The following CCSER2 variants were observed in gnomAD, a reference collection of about 807,000 sequenced individuals.
The protein encoded by CCSER2 is coiled-coil serine rich protein 2.
A neutral mutation model predicts 92.3 loss-of-function variants in CCSER2; 46 were observed. The ratio of observed to expected loss-of-function variants is 0.50; its 90% CI spans 0.39 to 0.64. CCSER2 has a LOEUF of 0.64. Ranked by LOEUF, CCSER2 falls within the 30% of genes least tolerant of loss-of-function variation. The pLI, the probability that CCSER2 is intolerant of heterozygous loss-of-function variation, is 0.00. For synonymous variants in CCSER2, 433 were observed against 431.4 expected, an observed-to-expected ratio of 1.00 and a Z score of -0.04; for missense variants, 1,244 against 1,238.9, an observed-to-expected ratio of 1.00 and a Z score of -0.06.
chr10:84,491,067 C>T (rs1046374796), intron 9 of CCSER2, among the ~76,000 whole-genome samples: 6 of 152,340 alleles, frequency 3.9e-5, no homozygotes, highest in East Asian at 1.9e-4. Context: ...TATTGCTGAA[C>T]AGCAAATGTT....
In CCSER2 at chr10:84,514,400, A is replaced by G. The variant is rs1849525350; in HGVS notation, c.*133A>G. The G allele has an allele frequency of 1.5e-6, 1 of 664,140 alleles. No homozygotes were observed. Among genetic ancestry groups the G allele is most frequent in the Admixed American group, 3.1e-5 (1 of 32,518 alleles). The allele number at this position is 664,140 out of a possible 1,614,324, so 41.1% of individuals were successfully genotyped here. ...TGCAAATCTTAAATTAAAATGTGGA[A>G]GCTTCTACTAGTTTGGCTCCTTCAT... On this transcript the variant is annotated 3_prime_UTR_variant, in exon 10 of 10. Transcript: ENST00000372088.
intron 5 of CCSER2, among the ~76,000 whole-genome samples, chr10:84,434,144 C>CT (rs1843960086): frequency 6.6e-6 from 1 of 152,106 alleles, no homozygotes. Flanking sequence ...CCCTTCATCT[C>CT]TTATTTTTTA....
intron 4 of CCSER2, chr10:84,425,007 T>G (rs1297797394): frequency 5.1e-6 from 5 of 984,406 alleles, no homozygotes; most frequent in Middle Eastern, 5.2e-4. Flanking sequence ...GCAAAGTAAC[T>G]CTCTTAGTGA....
chr10:84,502,462 C>T (rs1848813973), intron 9 of CCSER2, among the ~76,000 whole-genome samples: 1 of 150,768 alleles, frequency 6.6e-6, no homozygotes, highest in African/African-American at 2.4e-5. Context: ...AGCTCCGCCT[C>T]CCGGGTTCAC....
chr10:84,473,811 A>G (rs1412491987), intron 8 of CCSER2, among the ~76,000 whole-genome samples: 1 of 152,182 alleles, frequency 6.6e-6, no homozygotes, highest in Non-Finnish European at 1.5e-5. Flanking sequence ...GACAGTTTCC[A>G]TCACCTCTCT....
chr10:84,329,193 C>G (rs780333387), intron 1 of CCSER2, among the ~76,000 whole-genome samples: 12 of 151,784 alleles, frequency 7.9e-5, no homozygotes, highest in Non-Finnish European at 1.6e-4. Context: ...TTTTTTCTTT[C>G]AATTACTGGG....
intron 1 of CCSER2, among the ~76,000 whole-genome samples, chr10:84,367,758 A>C (rs1212809143): frequency 6.8e-6 from 1 of 146,530 alleles, no homozygotes; most frequent in African/African-American, 2.5e-5. Context: ...TGGTTTCCTT[A>C]ACGCTGAAGC....
At chr10:84,432,898 A>G (rs12763373) in intron 5 of CCSER2, among the ~76,000 whole-genome samples, 8,866 of 152,156 alleles carry the variant, frequency 0.058, 369 homozygotes, top group Admixed American at 0.1. Context: ...AATTTTTGTG[A>G]AAGATTTAAA....
intron 1 of CCSER2, among the ~76,000 whole-genome samples, chr10:84,364,664 A>C (rs1194969997): frequency 6.6e-6 from 1 of 151,902 alleles, no homozygotes; most frequent in African/African-American, 2.4e-5. Flanking sequence ...CCCTTATCCA[A>C]TTGTGGATTT....
At chr10:84,445,288 GGACTACAGGC>G (rs1315379232) in intron 6 of CCSER2, among the ~76,000 whole-genome samples, 3 of 152,106 alleles carry the variant, frequency 2.0e-5, no homozygotes, top group Admixed American at 6.5e-5. Context: ...TGAGTAGCTG[GGACTACAGGC>G]GCCCGCCACC....
intron 8 of CCSER2, among the ~76,000 whole-genome samples, chr10:84,472,668 CAA>C (rs1259157102): frequency 6.6e-6 from 1 of 151,940 alleles, no homozygotes; most frequent in Non-Finnish European, 1.5e-5. Context: ...AAATTTAAGA[CAA>C]AGATTTATGT....
rs61739454 is a variant in CCSER2, at chr10:84,513,571, C to T, written c.2448C>T (p.Gly816=). The T allele has an allele frequency of 1.6e-3, 2,626 of 1,613,942 alleles. 25 individuals are homozygous for T. The African/African-American group carries it at 0.031, about 19-fold the overall frequency. ...SECSIQDMHQ[G]GAHPEESFTH... ...GCTCAATCCAAGACATGCATCAGGG[C>T]GGTGCACATCCGGAAGAAAGCTTTA... Residue 816 remains glycine, a synonymous_variant, in exon 10 of 10, where the codon GGC becomes GGT. Coordinates refer to ENST00000372088, the MANE Select transcript of CCSER2 (RefSeq NM_001284240.2).
intron 1 of CCSER2, among the ~76,000 whole-genome samples, chr10:84,358,927 T>C (rs1042178176): frequency 2.0e-5 from 3 of 152,160 alleles, no homozygotes; most frequent in Non-Finnish European, 4.4e-5. Flanking sequence ...CTTGTTCATA[T>C]GTACAGAAGC....
chr10:84,497,113 GA>G (rs1305688025), intron 9 of CCSER2, among the ~76,000 whole-genome samples: 1 of 152,192 alleles, frequency 6.6e-6, no homozygotes, highest in African/African-American at 2.4e-5. Flanking sequence ...GAATTTTTAA[GA>G]TACTCAAATC....
At chr10:84,499,886 T>C (rs759727652) in intron 9 of CCSER2, 5 of 1,614,126 alleles carry the variant, frequency 3.1e-6, no homozygotes, top group Non-Finnish European at 3.4e-6. Flanking sequence ...GTGGGTATTC[T>C]GCTCCCTCCT....
intron 1 of CCSER2, among the ~76,000 whole-genome samples, chr10:84,346,643 T>C (rs1193771297): frequency 1.3e-5 from 2 of 151,806 alleles, no homozygotes; most frequent in Admixed American, 1.3e-4. Context: ...CTGAAAGGAG[T>C]CTATCATCCA....
rs1846078564 is a variant in CCSER2 at position 84,371,873 on chromosome 10, C to T, written c.821C>T (p.Ser274Phe). Residue 274 changes from serine (S) to phenylalanine (F), a missense_variant, in exon 2 of 10, where the codon TCC (serine) becomes TTC (phenylalanine). Transcript: ENST00000372088. ...CGGTCAAGTATGCTAACAAGAAATT[C>T]CCGGCAGCCAGAAGTACTCAATGGG... Reference protein sequence around the residue: ...PLRSSMLTRNSRQPEVLNGNE... With the variant: ...PLRSSMLTRNFRQPEVLNGNE... The T allele has an allele frequency of 6.2e-7, 1 of 1,613,706 alleles. No individual in the cohort carries two copies.
intron 9 of CCSER2, among the ~76,000 whole-genome samples, chr10:84,511,227 AT>A (rs1849332480): frequency 6.6e-6 from 1 of 152,138 alleles, no homozygotes; most frequent in Non-Finnish European, 1.5e-5. Flanking sequence ...ATGAAGCTTT[AT>A]TGCATTTAAT....
At chr10:84,457,312 TATAATATATTATATATAATATATTATATA>T (rs1845751042) in intron 6 of CCSER2, among the ~76,000 whole-genome samples, 6 of 81,230 alleles carry the variant, frequency 7.4e-5, no homozygotes, top group African/African-American at 2.4e-4. Flanking sequence ...ATATGTTATA[TATAATATATTATATATAATATATTATATA>T]TTATATATAA....
Sources: allele counts gnomAD v4.1 joint callset (sites outside exome capture counted in the v4.1 genomes callset), GRCh38; gene constraint gnomAD v4.1.1; transcripts MANE v1.5; gene names NCBI Gene and HGNC (gene_info 2026-07-23, HGNC 2026-07-21).